The following ZBTB46 variants were observed in gnomAD, a reference collection of about 807,000 sequenced individuals.
The protein encoded by ZBTB46 is zinc finger and BTB domain containing 46, also known as zinc finger and BTB domain-containing protein 46.
A neutral mutation model predicts 44.1 loss-of-function variants in ZBTB46; 8 were observed. The ratio of observed to expected loss-of-function variants is 0.18; its 90% CI spans 0.11 to 0.33. The LOEUF (loss-of-function observed/expected upper bound fraction) is 0.33, where lower values mean the gene tolerates loss of function less well. Ranked by LOEUF, ZBTB46 falls within the 10% of genes least tolerant of loss-of-function variation. The pLI, the probability that ZBTB46 is intolerant of heterozygous loss-of-function variation, is 1.00. For synonymous variants in ZBTB46, 409 were observed against 382.3 expected (o/e 1.07, Z -0.81); for missense variants, 651 against 847.7 (o/e 0.77, Z 2.88).
In ZBTB46 at chr20:63,802,613, C is replaced by T. The variant is rs182570203; in HGVS notation, c.-33-11823G>A. 4.0e-3 allele frequency among the ~76,000 whole-genome samples: 605 copies of T among 151,350 alleles called. 4 individuals carry two copies. The highest frequency in any genetic ancestry group is 6.3e-3 in the Non-Finnish European group (425 of 67,778). ...GGCGGGCCGACAACCGAACCTCAGA[C>T]CCCCAGCACCCTCCCAGGAACCGCG... is the stretch of plus-strand genomic sequence containing the variant. On this transcript the variant is annotated intron_variant, in intron 1 of 4. Coordinates refer to ENST00000245663, the MANE Select transcript of ZBTB46 (RefSeq NM_001369741.1).
chr20:63,830,730 G>A (rs994982372), intron 1 of ZBTB46, among the ~76,000 whole-genome samples: 22 of 148,608 alleles, frequency 1.5e-4, no homozygotes, highest in African/African-American at 5.1e-4. Flanking sequence ...GAGGTGCCGG[G>A]GAGGGAGCGC....
At chr20:63,783,257 G>A (rs566665073) in intron 2 of ZBTB46, among the ~76,000 whole-genome samples, 2 of 151,124 alleles carry the variant, frequency 1.3e-5, no homozygotes, top group African/African-American at 2.4e-5. Flanking sequence ...GCAAAACCCC[G>A]TCTCTACTAA....
rs1285396182 is a variant in ZBTB46, at chr20:63,759,802, G to C, written c.1223-6941C>G. The stretch of plus-strand genomic sequence containing the variant: ...TTTTTTTTGTAGATACTTTTTGTCA[G>C]ATTTAGAACATTTCTTTATACTCCA... On this transcript the variant is annotated intron_variant, in intron 3 of 4. Coordinates refer to ENST00000245663, the MANE Select transcript of ZBTB46 (RefSeq NM_001369741.1). Among the ~76,000 whole-genome samples the C allele has an allele frequency of 2.0e-5, 3 of 152,066 alleles. No homozygotes were observed. The East Asian group carries it at 5.8e-4, about 29-fold the overall frequency.
chr20:63,823,339 A>G (rs1163075871), intron 1 of ZBTB46, among the ~76,000 whole-genome samples: 1 of 151,980 alleles, frequency 6.6e-6, no homozygotes, highest in African/African-American at 2.4e-5. Context: ...TACTAAAAAA[A>G]GTACAAAAAT....
In ZBTB46 at chr20:63,752,055, C is replaced by A. The variant is rs939890660; in HGVS notation, c.1398+631G>T. ...CGCCGCGAGCTCCCCCTGCACCCTG[C>A]GCCTCGGGGTGGGCGTTCCAGGACT... On this transcript the variant is annotated intron_variant, in intron 4 of 4. Transcript: ENST00000245663. This position sits in a 1 kb window ranked among gnomAD's most constrained non-coding sequence, Gnocchi z 5.6. 7.9e-5 allele frequency among the ~76,000 whole-genome samples: 12 copies of A among 152,098 alleles called. No homozygotes were observed. The highest frequency in any genetic ancestry group is 1.5e-4 in the Non-Finnish European group (10 of 68,008).
At position 63,815,956 on chromosome 20, in the gene ZBTB46, GGTGCA is replaced by G. The variant is rs755781486; in HGVS notation, c.-34+15136_-34+15140del. Reference sequence around the variant, plus strand: ...AGTGGGTGCAGGTACAGTGGGCACAGGTGCAGTGGGTGCAGGTACAGTGGGCGCAG... The same window carrying G: ...AGTGGGTGCAGGTACAGTGGGCACAGGTGGGTGCAGGTACAGTGGGCGCAG... On this transcript the variant is annotated intron_variant, in intron 1 of 4. Transcript: ENST00000245663. Among the ~76,000 whole-genome samples the G allele has an allele frequency of 3.5e-5, 5 of 144,522 alleles. No homozygotes were observed. In the East Asian group the frequency reaches 8.7e-4, roughly 25 times the overall value. 94.8% of individuals were successfully genotyped at this position (144,522 alleles called of 152,430 possible).
chr20:63,765,586 G>A (rs1180210499), intron 3 of ZBTB46, among the ~76,000 whole-genome samples: 1 of 152,130 alleles, frequency 6.6e-6, no homozygotes, highest in Non-Finnish European at 1.5e-5. Flanking sequence ...ACAGCACCAC[G>A]CTCAGCTAAT....
In ZBTB46 at chr20:63,780,797, G is replaced by A. The variant is rs146094135; in HGVS notation, c.938-4835C>T. On this transcript the variant is annotated intron_variant, in intron 2 of 4. Coordinates refer to ENST00000245663, the MANE Select transcript of ZBTB46 (RefSeq NM_001369741.1). ...AGCCTGGGCGACAGAATGATACTCC[G>A]TCTCAAAAAAAAAGGATCCTCCTGA... 8.1e-3 allele frequency among the ~76,000 whole-genome samples: 1,207 copies of A among 149,184 alleles called. 12 individuals carry two copies. The highest frequency in any genetic ancestry group is 0.026 in the African/African-American group (1,071 of 40,534).
In ZBTB46 at chr20:63,775,790, C is replaced by A; in HGVS notation, c.1110G>T (p.Leu370=). ...TGTTCTTACTCATGAGCGCCGCGCG[C>A]AGGTTGGCCACCGCGGTGGCCTGAT... ...ALHQATAVAN[L]RAALMSKNSL... Residue 370 remains leucine, a synonymous_variant, in exon 3 of 5, where the codon CTG becomes CTT. Coordinates refer to ENST00000245663, the MANE Select transcript of ZBTB46 (RefSeq NM_001369741.1). The A allele has an allele frequency of 6.2e-7, 1 of 1,613,420 alleles. No individual in the cohort carries two copies. Among genetic ancestry groups the A allele is most frequent in the Non-Finnish European group, 8.5e-7 (1 of 1,179,964 alleles).
chr20:63,831,766 C>A (rs935741018), upstream of ZBTB46, among the ~76,000 whole-genome samples: 5 of 150,870 alleles, frequency 3.3e-5, no homozygotes, highest in African/African-American at 1.2e-4. Context: ...CGCGCGGGTG[C>A]CCAGGTCACC....
At chr20:63,771,861 C>CACAG (rs2092377350) in intron 3 of ZBTB46, among the ~76,000 whole-genome samples, 2 of 152,180 alleles carry the variant, frequency 1.3e-5, no homozygotes, top group Non-Finnish European at 2.9e-5. Flanking sequence ...CAGAAAATTA[C>CACAG]GTTTTAAAAT....
At chr20:63,763,724 A>G (rs1330196544) in intron 3 of ZBTB46, among the ~76,000 whole-genome samples, 2 of 151,926 alleles carry the variant, frequency 1.3e-5, no homozygotes, top group African/African-American at 4.8e-5. Flanking sequence ...GAATTATTCC[A>G]TTTCTTCTCC....
intron 4 of ZBTB46, among the ~76,000 whole-genome samples, chr20:63,751,721 G>T (rs1884846): frequency 0.76 from 30,010 of 39,690 alleles, 11,392 homozygotes; most frequent in East Asian, 0.79. Flanking sequence ...CCGGTGGGTC[G>T]CACCATGAAG....
chr20:63,790,235 T>G lies in ZBTB46; in HGVS notation c.523A>C (p.Thr175Pro). 1 of 1,611,240 alleles carries G rather than the reference T, an allele frequency of 6.2e-7. No homozygotes were observed. The highest frequency in any genetic ancestry group is 8.5e-7 in the Non-Finnish European group (1 of 1,178,962). ...RSISPWLARR[T>P]SPANSSGDSA... is the part of the protein sequence containing the mutation. ...TCTCCGGAAGAATTGGCAGGACTCG[T>G]TCGCCGTGCCAGCCACGGGGAGATG... is the stretch of plus-strand genomic sequence containing the variant. The change falls in exon 2 of 5, where the codon ACG (threonine) becomes CCG (proline). Residue 175 changes from threonine (T) to proline (P), a missense_variant. By Grantham distance (38) the Thr-to-Pro change is conservative. Transcript: ENST00000245663.
At chr20:63,808,605 G>A (rs1466181117) in intron 1 of ZBTB46, among the ~76,000 whole-genome samples, 2 of 152,204 alleles carry the variant, frequency 1.3e-5, no homozygotes, top group African/African-American at 4.8e-5. Flanking sequence ...GCGTGGGTGG[G>A]AGGCGGACAG....
In ZBTB46 at chr20:63,767,890, C is replaced by T. The variant is rs1360897083; in HGVS notation, c.1222+7788G>A. The T allele has an allele frequency of 4.1e-6, 4 of 985,354 alleles. No homozygotes were observed. The African/African-American group carries it at 5.2e-5, about 13-fold the overall frequency. 61.0% of individuals were successfully genotyped at this position (985,354 alleles called of 1,614,324 possible). A position where few individuals can be genotyped will look rare whatever the true frequency, so the allele number is the denominator to read the frequency against. On this transcript the variant is annotated intron_variant, in intron 3 of 4. Transcript: ENST00000245663. This position sits in a 1 kb window ranked among gnomAD's most constrained non-coding sequence, Gnocchi z 5.0. ...CTCCTCAGGCATCCTGGACAGGCCA[C>T]AGGCCCTGCAGAAACCCACCCTCAT...
chr20:63,760,476 T>C (rs1018528062), intron 3 of ZBTB46, among the ~76,000 whole-genome samples: 4 of 152,140 alleles, frequency 2.6e-5, no homozygotes, highest in African/African-American at 9.7e-5. Context: ...TTTTTGTTTT[T>C]TTTTTTTGAG....
chr20:63,743,944 C>A lies in ZBTB46; in HGVS notation c.*2986G>T, dbSNP rs562859515. The A allele has an allele frequency of 4.6e-5, 7 of 152,470 alleles. No homozygotes were observed. In the Admixed American group the frequency reaches 4.6e-4, roughly 10 times the overall value. 9.4% of individuals were successfully genotyped at this position (152,470 alleles called of 1,614,324 possible). ...AGGAAGTCAATATAATATAGATTAT[C>A]CCCAGAAAAAAATCAACAATCTTCA... On this transcript the variant is annotated 3_prime_UTR_variant, in exon 5 of 5. Transcript: ENST00000245663.
intron 1 of ZBTB46, among the ~76,000 whole-genome samples, chr20:63,818,950 G>A (rs555190051): frequency 3.3e-5 from 5 of 150,548 alleles, no homozygotes; most frequent in South Asian, 2.1e-4. Context: ...CAAGGTGGGC[G>A]GATCACAAGG....
Sources: allele counts gnomAD v4.1 joint callset (sites outside exome capture counted in the v4.1 genomes callset), GRCh38; gene constraint gnomAD v4.1.1; non-coding constraint Gnocchi (gnomAD v3.1); transcripts MANE v1.5; gene names NCBI Gene and HGNC (gene_info 2026-07-23, HGNC 2026-07-21).